Variants in LRRC71 observed in about 807,000 individuals in gnomAD.
LRRC71 encodes the protein leucine rich repeat containing 71.
A neutral mutation model predicts 66.6 loss-of-function variants in LRRC71; 54 were observed. The observed-to-expected ratio is 0.81, with a 90% CI of 0.65 to 1.02. The LOEUF is 1.02. Among genes scored for constraint, LRRC71 ranks in the 50% least tolerant of loss-of-function variants. LRRC71 has a pLI of 0.00. For missense variants in LRRC71, 724 were observed against 718.0 expected (o/e 1.01, Z -0.10); for synonymous variants, 323 against 303.9 (o/e 1.06, Z -0.65).
chr1:156,936,880 G>A (rs368042960), downstream of LRRC71: 210 of 1,614,114 alleles, frequency 1.3e-4, no homozygotes, highest in Admixed American at 1.4e-3. Flanking sequence ...GCTCCTTAGC[G>A]GGAGGTGAGA....
At chr1:156,929,800 A>G (rs822427) in intron 11 of LRRC71, 71 bp downstream of exon 11, 277,416 of 1,346,870 alleles carry the variant, frequency 0.21, 31,960 homozygotes, top group African/African-American at 0.43. Flanking sequence ...GGGTGCAGGA[A>G]GCTGTTCTGG....
chr1:156,930,203 C>A (rs1411786758), intron 11 of LRRC71, among the ~76,000 whole-genome samples: 3 of 151,498 alleles, frequency 2.0e-5, no homozygotes, highest in Non-Finnish European at 2.9e-5. Context: ...AGCAGTTCTC[C>A]TGCCCCAGCT....
chr1:156,934,095 T>C (rs1463644015), downstream of LRRC71, among the ~76,000 whole-genome samples: 1 of 152,230 alleles, frequency 6.6e-6, no homozygotes. Context: ...TGCTGGATGA[T>C]GGTCACCCCA....
chr1:156,924,242 G>A, intron 2 of LRRC71, 144 bp downstream of exon 2: 4 of 1,232,512 alleles, frequency 3.2e-6, no homozygotes, highest in Non-Finnish European at 4.5e-6. Flanking sequence ...GTGGGGAGGT[G>A]GGGGAGTCTC....
In LRRC71 at chr1:156,927,671, G is replaced by A. The variant is rs760116620; in HGVS notation, c.822+16G>A. ...CATCGCGGACGTGAGTGCACGGCGG[G>A]GAGGGACCTGCTGGGAGCAGGGGCG... On this transcript the variant is annotated intron_variant, in intron 7 of 14. Transcript: ENST00000337428. The A allele has an allele frequency of 6.2e-6, 10 of 1,606,762 alleles. No individual in the cohort carries two copies. The highest frequency in any genetic ancestry group is 7.6e-6 in the Non-Finnish European group (9 of 1,178,554).
chr1:156,936,605 G>A (rs1032296833), downstream of LRRC71, among the ~76,000 whole-genome samples: 14 of 150,098 alleles, frequency 9.3e-5, no homozygotes, highest in Non-Finnish European at 2.1e-4. Flanking sequence ...AGGAAAAAGA[G>A]GGCTCAGTGC....
chr1:156,940,509 G>A, the LRRC71 span: 3 of 1,285,216 alleles, frequency 2.3e-6, no homozygotes, highest in East Asian at 4.8e-5. Flanking sequence ...TGGAGCCAAG[G>A]GGCTGGGAAC....
chr1:156,928,745 A>AT (rs1417259428), intron 9 of LRRC71, among the ~76,000 whole-genome samples: 1 of 149,914 alleles, frequency 6.7e-6, no homozygotes, highest in Admixed American at 6.7e-5. Flanking sequence ...TAATTTTTGT[A>AT]TTTTTTAGTA....
Position 156,932,599 on chromosome 1 carries a change from C to T in LRRC71, c.1563+54C>T, listed in dbSNP as rs113347104. The T allele has an allele frequency of 3.0e-4, 489 of 1,613,860 alleles. 2 individuals are homozygous for T. The Middle Eastern group carries it at 5.3e-3, about 17-fold the overall frequency. ...AGCAGACGTTGCCCCTATCAGCTGTCATACTAGACAGCTGCTGCAGGCAGC... is the reference window on the plus strand; with the variant it reads ...AGCAGACGTTGCCCCTATCAGCTGTTATACTAGACAGCTGCTGCAGGCAGC... On this transcript the variant is annotated intron_variant, in intron 14 of 14. Coordinates refer to ENST00000337428, the MANE Select transcript of LRRC71 (RefSeq NM_144702.3).
intron 5 of LRRC71, among the ~76,000 whole-genome samples, chr1:156,926,855 C>T (rs1354158088): frequency 2.0e-5 from 3 of 152,236 alleles, no homozygotes; most frequent in South Asian, 2.1e-4. Context: ...GGATTACAGG[C>T]GTGAGCCACT....
In LRRC71 at chr1:156,930,064, CTTTCTTTCTTTCT is replaced by C. The variant is rs904511814; in HGVS notation, c.1240+351_1240+363del. Among the ~76,000 whole-genome samples, 29 of 95,558 alleles carry C rather than the reference CTTTCTTTCTTTCT, an allele frequency of 3.0e-4. 1 individual carries two copies. Among genetic ancestry groups the C allele is most frequent in the Non-Finnish European group, 2.9e-4 (14 of 47,642 alleles). 62.7% of individuals were successfully genotyped at this position (95,558 alleles called of 152,430 possible). On this transcript the variant is annotated intron_variant, in intron 11 of 14. Transcript: ENST00000337428. ...TCTTTCTCTTTCTTTCTTTCTTTTT[CTTTCTTTCTTTCT>C]TTTCTTTCTTTCTTTCTCTCTCTTT... is the stretch of plus-strand genomic sequence containing the variant.
downstream of LRRC71, among the ~76,000 whole-genome samples, chr1:156,936,497 A>AAAAATATATATAT (rs370282821): frequency 2.9e-5 from 1 of 33,934 alleles, no homozygotes; most frequent in African/African-American, 1.5e-4. Context: ...AAAAAAAAAA[A>AAAAATATATATAT]ATATATATAT....
intron 13 of LRRC71, 145 bp downstream of exon 13, chr1:156,932,172 C>T (rs1469576352): frequency 2.3e-5 from 17 of 727,804 alleles, no homozygotes; most frequent in Non-Finnish European, 3.5e-5. Flanking sequence ...TGGCACAGGG[C>T]TGGAGGGGCC....
chr1:156,936,505 T>A (rs1333997533), downstream of LRRC71, among the ~76,000 whole-genome samples: 65 of 115,458 alleles, frequency 5.6e-4, 2 homozygotes, highest in African/African-American at 2.6e-3. Flanking sequence ...AAAATATATA[T>A]ATATATATAT....
At chr1:156,938,439 C>G in the LRRC71 span, 1 of 1,613,846 alleles carries the variant, frequency 6.2e-7, no homozygotes, top group Non-Finnish European at 8.5e-7. Flanking sequence ...GTTCCGCCTT[C>G]CACTTCAGGT....
chr1:156,940,560 G>A, the LRRC71 span: 2 of 720,272 alleles, frequency 2.8e-6, no homozygotes, highest in South Asian at 2.4e-5. Context: ...ACTTCCCATG[G>A]CCAGCACTGT....
Position 156,924,035 on chromosome 1 carries a change from A to T in LRRC71, c.247A>T (p.Asn83Tyr), listed in dbSNP as rs1318058638. ...WGYTDFPKVVNRPRPHPPFVP... is the reference protein window; with the variant it reads ...WGYTDFPKVVYRPRPHPPFVP... Reference sequence around the variant, plus strand: ...CTACACGGACTTCCCCAAAGTTGTCAACCGGCCCCGCCCCCACCCGCCCTT... The same window carrying T: ...CTACACGGACTTCCCCAAAGTTGTCTACCGGCCCCGCCCCCACCCGCCCTT... The change falls in exon 2 of 15, where the codon AAC (asparagine) becomes TAC (tyrosine). Residue 83 changes from asparagine (N) to tyrosine (Y), a missense_variant. Asn to Tyr is a moderately radical substitution (Grantham distance 143). Transcript: ENST00000337428. 2 of 1,548,642 alleles carry T rather than the reference A, an allele frequency of 1.3e-6. No homozygotes were observed. The highest frequency in any genetic ancestry group is 3.9e-5 in the Admixed American group (2 of 50,760).
downstream of LRRC71, among the ~76,000 whole-genome samples, chr1:156,933,747 C>T (rs1654687938): frequency 6.6e-6 from 1 of 152,214 alleles, no homozygotes. Context: ...ACAGGACTGG[C>T]TTCGGGGAGC....
Position 156,928,014 on chromosome 1 carries a change from T to C in LRRC71, c.996+10T>C. The C allele has an allele frequency of 6.3e-7, 1 of 1,584,608 alleles. No homozygotes were observed. Among genetic ancestry groups the C allele is most frequent in the Non-Finnish European group, 8.6e-7 (1 of 1,167,200 alleles). Reference sequence around the variant, plus strand: ...GGAGCGCTCGCGATCGGTGAGGAGCTACCAGGCCCCAGGACCAGCCGAGAG... The same window carrying C: ...GGAGCGCTCGCGATCGGTGAGGAGCCACCAGGCCCCAGGACCAGCCGAGAG... On this transcript the variant is annotated intron_variant, in intron 9 of 14. Transcript: ENST00000337428.
Sources: gnomAD v4.1 joint callset for allele counts (sites outside exome capture counted in the v4.1 genomes callset) on GRCh38, gnomAD v4.1.1 for gene constraint, MANE v1.5 for transcripts, NCBI Gene and HGNC (gene_info 2026-07-23, HGNC 2026-07-21) for gene names.